Variants in TENM4 observed in about 807,000 individuals in gnomAD.
TENM4 encodes teneurin transmembrane protein 4.
In TENM4, 82 loss-of-function variants were observed where a neutral mutation model predicts 243.3. The ratio of observed to expected loss-of-function variants is 0.34; its 90% CI spans 0.28 to 0.40. The LOEUF is 0.40. TENM4 is among the 10% of genes least tolerant of loss of function. TENM4 has a pLI of 1.00. For synonymous variants in TENM4, 1,412 were observed against 1,456.3 expected, an observed-to-expected ratio of 0.97 and a Z score of 0.69; for missense variants, 3,138 against 3,673.3, an observed-to-expected ratio of 0.85 and a Z score of 3.77.
At chr11:79,099,034 A>AT (rs1009098775) in intron 4 of TENM4, among the ~76,000 whole-genome samples, 12 of 152,042 alleles carry the variant, frequency 7.9e-5, no homozygotes, top group Admixed American at 2.6e-4. Context: ...AAATATACGC[A>AT]TTTTTTTCTG....
rs549411195 is a variant in TENM4 at position 79,316,630 on chromosome 11, G to A, written c.-320-19087C>T. Among the ~76,000 whole-genome samples the A allele has an allele frequency of 1.1e-4, 16 of 152,278 alleles. No individual in the cohort carries two copies. In the East Asian group the frequency reaches 3.1e-3, roughly 29 times the overall value. ...TTGCAGTGAGTTTATATGTTTCGAT[G>A]TATGTTGCTGATTTCATATACTGAG... On this transcript the variant is annotated intron_variant, in intron 1 of 33. Transcript: ENST00000278550.
chr11:79,175,007 A>G (rs757337728), intron 3 of TENM4, among the ~76,000 whole-genome samples: 1 of 152,170 alleles, frequency 6.6e-6, no homozygotes, highest in Admixed American at 6.5e-5. Flanking sequence ...CTCTATATCA[A>G]TATCTCTATC....
intron 4 of TENM4, 29 bp from the exon 5 acceptor site, chr11:79,070,038 G>T (rs751957907): frequency 6.8e-7 from 1 of 1,475,258 alleles, no homozygotes; most frequent in East Asian, 2.5e-5. Context: ...AAGATAGGGC[G>T]TGAGAGGCAG....
intron 10 of TENM4, among the ~76,000 whole-genome samples, chr11:78,861,972 G>C (rs1858831715): frequency 6.6e-6 from 1 of 152,176 alleles, no homozygotes; most frequent in Non-Finnish European, 1.5e-5. Flanking sequence ...ATTTTTGTGA[G>C]TCTGTGCCAC....
At chr11:79,261,312 G>T (rs1434530761) in intron 2 of TENM4, among the ~76,000 whole-genome samples, 1 of 152,166 alleles carries the variant, frequency 6.6e-6, no homozygotes, top group African/African-American at 2.4e-5. Context: ...AAAGCTGATA[G>T]ATCTGACCCC....
chr11:78,991,397 C>G (rs190539050), intron 6 of TENM4, among the ~76,000 whole-genome samples: 1 of 152,086 alleles, frequency 6.6e-6, no homozygotes, highest in East Asian at 1.9e-4. Flanking sequence ...GGAGCTTTCT[C>G]TGAGAAAGAA....
intron 4 of TENM4, among the ~76,000 whole-genome samples, chr11:79,091,974 G>A (rs142462905): frequency 0.036 from 5,477 of 152,188 alleles, 152 homozygotes; most frequent in Non-Finnish European, 0.056. Context: ...CCTCCCACAT[G>A]CCCCCTGACT....
chr11:79,053,839 C>G (rs556378077), intron 6 of TENM4, among the ~76,000 whole-genome samples: 1 of 152,308 alleles, frequency 6.6e-6, no homozygotes, highest in Non-Finnish European at 1.5e-5. Flanking sequence ...TTCCTATGCT[C>G]CCTTCCAGAC....
intron 21 of TENM4, 58 bp from the exon 22 acceptor site, chr11:78,729,701 A>C (rs1306648129): frequency 5.2e-6 from 8 of 1,540,912 alleles, no homozygotes; most frequent in Non-Finnish European, 8.7e-7. Flanking sequence ...GAGTGGAGGG[A>C]AGATGGCGTG....
intron 1 of TENM4, among the ~76,000 whole-genome samples, chr11:79,386,817 C>T (rs1858122838): frequency 6.6e-6 from 1 of 151,318 alleles, no homozygotes; most frequent in Admixed American, 6.6e-5. Flanking sequence ...TATCAGAACT[C>T]TCATGCACTT....
chr11:79,420,563 CT>C (rs1442433846), intron 1 of TENM4, among the ~76,000 whole-genome samples: 3 of 152,128 alleles, frequency 2.0e-5, no homozygotes, highest in African/African-American at 7.2e-5. Flanking sequence ...CTATTTATGC[CT>C]CTCTTGGAGA....
Position 78,863,040 on chromosome 11 carries a change from G to A in TENM4, c.1177C>T (p.Pro393Ser). 1 of 1,538,062 alleles carries A rather than the reference G, an allele frequency of 6.5e-7. No individual in the cohort carries two copies. Among genetic ancestry groups the A allele is most frequent in the South Asian group, 1.2e-5 (1 of 82,750 alleles). Residue 393 changes from proline (P) to serine (S), a missense_variant, in exon 10 of 34, where the codon CCA (proline) becomes TCA (serine). Around this residue, in one of 2 missense-constraint regions of TENM4, gnomAD observed 671 missense variants for 614.1 expected, o/e 1.09. Coordinates refer to ENST00000278550, the MANE Select transcript of TENM4 (RefSeq NM_001098816.3). ...GAGGGGTATAGGGAGACGTCGGTTG[G>A]CACAGGCCAACTGCTGGCTGTGTCC... ...TEDTASSWPVPTDVSLYPSGG... is the reference protein window; with the variant it reads ...TEDTASSWPVSTDVSLYPSGG...
At position 78,656,281 on chromosome 11, in the gene TENM4, C is replaced by G. The variant is rs1857892306; in HGVS notation, c.*1777G>C. 6.6e-6 allele frequency: 1 copy of G among 152,258 alleles called. No individual in the cohort carries two copies. Among genetic ancestry groups the G allele is most frequent in the African/African-American group, 2.4e-5 (1 of 41,476 alleles). The allele number at this position is 152,258 out of a possible 1,614,324, so 9.4% of individuals were successfully genotyped here. Reference sequence around the variant, plus strand: ...CCAACAAGGTTTCCACGGGGAATAGCTCAGACTCAGAATTCATTTTCCACA... The same window carrying G: ...CCAACAAGGTTTCCACGGGGAATAGGTCAGACTCAGAATTCATTTTCCACA... On this transcript the variant is annotated 3_prime_UTR_variant, in exon 34 of 34. Coordinates refer to ENST00000278550, the MANE Select transcript of TENM4 (RefSeq NM_001098816.3).
At chr11:79,161,128 C>G (rs1275608974) in intron 3 of TENM4, among the ~76,000 whole-genome samples, 1 of 152,176 alleles carries the variant, frequency 6.6e-6, no homozygotes, top group Non-Finnish European at 1.5e-5. Context: ...ATCTCTATCC[C>G]CCTGGCTGAG....
At chr11:79,007,414 C>G (rs1858515730) in intron 6 of TENM4, among the ~76,000 whole-genome samples, 1 of 152,102 alleles carries the variant, frequency 6.6e-6, no homozygotes, top group East Asian at 1.9e-4. Context: ...GGTGACAAAG[C>G]TGACTGGGGG....
At chr11:78,884,379 T>C (rs539588881) in intron 9 of TENM4, among the ~76,000 whole-genome samples, 2 of 152,334 alleles carry the variant, frequency 1.3e-5, no homozygotes, top group Admixed American at 1.3e-4. Context: ...TTAAGCAAAC[T>C]GCCCAAGTTT....
chr11:79,372,563 A>G lies in TENM4; in HGVS notation c.-321+67946T>C, dbSNP rs117957583. Among the ~76,000 whole-genome samples the G allele has an allele frequency of 1.3e-3, 194 of 152,322 alleles. No individual in the cohort carries two copies. The East Asian group carries it at 0.03, about 24-fold the overall frequency. On this transcript the variant is annotated intron_variant, in intron 1 of 33. Transcript: ENST00000278550. ...TCCTTTGCTCAGAGCCAATAATGTC[A>G]GCAGAGAGGACTTGTAACAGAATCT...
At chr11:79,092,619 A>G (rs538225594) in intron 4 of TENM4, among the ~76,000 whole-genome samples, 1 of 152,228 alleles carries the variant, frequency 6.6e-6, no homozygotes, top group African/African-American at 2.4e-5. Flanking sequence ...TTTTAACTAA[A>G]GAGTAGGCGG....
chr11:79,396,534 C>T lies in TENM4; in HGVS notation c.-321+43975G>A, dbSNP rs77568589. 4.7e-3 allele frequency among the ~76,000 whole-genome samples: 721 copies of T among 152,270 alleles called. 12 individuals are homozygous for T. The highest frequency in any genetic ancestry group is 4.1e-3 in the Non-Finnish European group (281 of 68,032). On this transcript the variant is annotated intron_variant, in intron 1 of 33. Coordinates refer to ENST00000278550, the MANE Select transcript of TENM4 (RefSeq NM_001098816.3). ...ATGGTCACTTCTGCCTTCCTGGCTC[C>T]CAAAGCAGCCCAACTGTTCATACCT...
Sources: gnomAD v4.1 joint callset for allele counts (sites outside exome capture counted in the v4.1 genomes callset) on GRCh38, gnomAD v4.1.1 for gene constraint, gnomAD v4.1.1 regional missense constraint, MANE v1.5 for transcripts, NCBI Gene and HGNC (gene_info 2026-07-23, HGNC 2026-07-21) for gene names.